The following DPYD variants were observed in gnomAD, a reference collection of about 807,000 sequenced individuals.
DPYD encodes dihydropyrimidine dehydrogenase [NADP(+)].
In DPYD, 109 loss-of-function variants were observed where a neutral mutation model predicts 116.2. The observed-to-expected ratio is 0.94, with a 90% CI of 0.80 to 1.10. The LOEUF is 1.10. DPYD is among the 50% of genes least tolerant of loss of function. The pLI, the probability that DPYD is intolerant of heterozygous loss-of-function variation, is 0.00. For synonymous variants in DPYD, 440 were observed against 432.0 expected, an observed-to-expected ratio of 1.02 and a Z score of -0.23; for missense variants, 1,302 against 1,254.5, an observed-to-expected ratio of 1.04 and a Z score of -0.57.
intron 8 of DPYD, among the ~76,000 whole-genome samples, chr1:97,661,588 A>G (rs1006099667): frequency 1.3e-5 from 2 of 152,206 alleles, no homozygotes; most frequent in Admixed American, 1.3e-4. Context: ...AAAAAAATAT[A>G]TAGAAATCCA....
intron 18 of DPYD, among the ~76,000 whole-genome samples, chr1:97,301,699 G>C (rs946184726): frequency 6.6e-6 from 1 of 151,726 alleles, no homozygotes; most frequent in African/African-American, 2.4e-5. Context: ...ATGAATAAAG[G>C]TTATCCTCAT....
At chr1:97,549,989 A>T (rs1287968632) in intron 11 of DPYD, among the ~76,000 whole-genome samples, 1 of 152,208 alleles carries the variant, frequency 6.6e-6, no homozygotes, top group South Asian at 2.1e-4. Context: ...TCAATGTTTC[A>T]GAGCGGACAT....
intron 11 of DPYD, among the ~76,000 whole-genome samples, chr1:97,566,812 G>A (rs1652551155): frequency 6.6e-6 from 1 of 152,000 alleles, no homozygotes; most frequent in Admixed American, 6.6e-5. Context: ...TTTGTTGTTT[G>A]AAAAATAGAA....
At chr1:97,800,412 C>T (rs534215549) in intron 3 of DPYD, among the ~76,000 whole-genome samples, 66 of 152,000 alleles carry the variant, frequency 4.3e-4, no homozygotes, top group Admixed American at 9.9e-4. Flanking sequence ...TCCATGTCCA[C>T]GGTGAAAACC....
At chr1:97,770,164 C>G (rs1227792460) in intron 3 of DPYD, among the ~76,000 whole-genome samples, 1 of 152,198 alleles carries the variant, frequency 6.6e-6, no homozygotes, top group Non-Finnish European at 1.5e-5. Context: ...AAGTTTGAAG[C>G]TCGCATGTCC....
At chr1:97,178,880 C>G (rs958067626) in intron 20 of DPYD, among the ~76,000 whole-genome samples, 1 of 152,170 alleles carries the variant, frequency 6.6e-6, no homozygotes, top group Non-Finnish European at 1.5e-5. Context: ...TACGTGGTAT[C>G]TGACCATCTA....
intron 1 of DPYD, among the ~76,000 whole-genome samples, chr1:97,913,032 G>A (rs183578322): frequency 1.2e-4 from 19 of 152,028 alleles, no homozygotes; most frequent in Non-Finnish European, 2.5e-4. Context: ...CTCCTTTTTC[G>A]AATCTCTGGT....
intron 3 of DPYD, among the ~76,000 whole-genome samples, chr1:97,800,832 T>A (rs1667810406): frequency 6.6e-6 from 1 of 151,900 alleles, no homozygotes; most frequent in African/African-American, 2.4e-5. Flanking sequence ...GCTTTTAACT[T>A]TCATCTCTTC....
chr1:97,503,255 A>C (rs1039771769), intron 13 of DPYD, among the ~76,000 whole-genome samples: 7 of 151,946 alleles, frequency 4.6e-5, no homozygotes, highest in African/African-American at 1.7e-4. Context: ...AATCACACCA[A>C]TGTTTGTTTA....
intron 14 of DPYD, among the ~76,000 whole-genome samples, chr1:97,436,288 T>C (rs1486662013): frequency 6.6e-6 from 1 of 152,000 alleles, no homozygotes; most frequent in Non-Finnish European, 1.5e-5. Context: ...TAAATTGATA[T>C]TATGTAAGCG....
intron 19 of DPYD, among the ~76,000 whole-genome samples, chr1:97,195,592 ATATG>A (rs200274375): frequency 0.2 from 9,220 of 47,152 alleles, 1,342 homozygotes; most frequent in East Asian, 0.37. Flanking sequence ...ATATATATAT[ATATG>A]TGTGTGTGTG....
At chr1:97,792,233 T>A (rs1450648599) in intron 3 of DPYD, among the ~76,000 whole-genome samples, 1 of 152,008 alleles carries the variant, frequency 6.6e-6, no homozygotes, top group Non-Finnish European at 1.5e-5. Context: ...CTTGCCCATC[T>A]CCCAAAGAGA....
chr1:97,893,429 C>CGCATATATATATAT (rs71590235), intron 1 of DPYD, among the ~76,000 whole-genome samples: 1 of 71,906 alleles, frequency 1.4e-5, no homozygotes, highest in African/African-American at 5.7e-5. Context: ...ATATCCATCG[C>CGCATATATATATAT]ATATATATAT....
intron 14 of DPYD, among the ~76,000 whole-genome samples, chr1:97,425,486 C>T (rs1001302429): frequency 3.9e-5 from 6 of 152,046 alleles, no homozygotes; most frequent in Non-Finnish European, 7.4e-5. Flanking sequence ...TTAGAGATTT[C>T]GGCTTTCCTG....
At position 97,411,184 on chromosome 1, in the gene DPYD, A is replaced by T. The variant is rs555002765; in HGVS notation, c.1906-28723T>A. The stretch of plus-strand genomic sequence containing the variant: ...ACTTATCTGTCTCCTATGCACTTCA[A>T]TAATACTCATCCTCTTTTTCCCCGT... On this transcript the variant is annotated intron_variant, in intron 14 of 22. Transcript: ENST00000370192. Among the ~76,000 whole-genome samples, 9 of 152,310 alleles carry T rather than the reference A, an allele frequency of 5.9e-5. No homozygotes were observed. In the East Asian group the frequency reaches 1.7e-3, roughly 29 times the overall value.
intron 16 of DPYD, among the ~76,000 whole-genome samples, chr1:97,366,285 G>T (rs551158458): frequency 4.6e-5 from 7 of 152,020 alleles, no homozygotes; most frequent in African/African-American, 1.7e-4. Flanking sequence ...GATTTTTTTT[G>T]ATTAGAGATA....
chr1:97,096,919 C>T (rs145342230), intron 21 of DPYD, among the ~76,000 whole-genome samples: 7 of 152,094 alleles, frequency 4.6e-5, no homozygotes, highest in South Asian at 2.1e-4. Flanking sequence ...ACACTCACTG[C>T]GAAGGTCCAC....
At chr1:97,134,450 A>C (rs1199264325) in intron 20 of DPYD, among the ~76,000 whole-genome samples, 1 of 152,138 alleles carries the variant, frequency 6.6e-6, no homozygotes, top group East Asian at 1.9e-4. Flanking sequence ...TTGGCAAATT[A>C]TATACCACCT....
At chr1:97,724,296 GGGGGGGGGGGGGTGTGTGTGTGTGT>G (rs1290837701) in intron 4 of DPYD, among the ~76,000 whole-genome samples, 10,609 of 137,802 alleles carry the variant, frequency 0.077, 766 homozygotes, top group African/African-American at 0.11. Flanking sequence ...ATGTATGTGG[GGGGGGGGGGGGGTGTGTGTGTGTGT>G]GTGTGTGTGT....
Sources: allele counts gnomAD v4.1 joint callset (sites outside exome capture counted in the v4.1 genomes callset), GRCh38; gene constraint gnomAD v4.1.1; transcripts MANE v1.5; gene names NCBI Gene and HGNC (gene_info 2026-07-23, HGNC 2026-07-21).